Variants in DMPK observed in about 807,000 individuals in gnomAD.
DMPK encodes the protein myotonin-protein kinase.
DMPK carries 32 observed loss-of-function variants against 70.3 expected under a neutral mutation model. The ratio of observed to expected loss-of-function variants is 0.46; its 90% confidence interval spans 0.34 to 0.61. DMPK has a LOEUF of 0.61. Ranked by LOEUF, DMPK falls within the 20% of genes least tolerant of loss-of-function variation. The pLI is 0.01. For synonymous variants in DMPK, 469 were observed against 390.9 expected, an observed-to-expected ratio of 1.20 and a Z score of -2.36; for missense variants, 899 against 886.0, an observed-to-expected ratio of 1.01 and a Z score of -0.19.
intron 1 of DMPK, 74 bp from the exon 2 acceptor site, chr19:45,779,943 C>A (rs1292953483): frequency 6.2e-7 from 1 of 1,604,704 alleles, no homozygotes; most frequent in African/African-American, 1.3e-5. Context: ...AAGCCCCACC[C>A]TCTGTCTGTC....
intron 9 of DMPK, among the ~76,000 whole-genome samples, chr19:45,773,000 T>A (rs1304400302): frequency 6.6e-6 from 1 of 152,230 alleles, no homozygotes; most frequent in South Asian, 2.1e-4. Flanking sequence ...CTGCAGGGAC[T>A]TGGGGTCCAG....
Position 45,775,024 on chromosome 19 carries a change from G to A in DMPK, c.1157C>T (p.Ser386Leu), listed in dbSNP as rs748423751. ...TAGCGGCGCACCTTCCCGAATGTCC[G>A]ACAGTGTCTCCTGCGCAAGACACAC... ...AMVSGGGETL[S>L]DIREGAPLGV... is the part of the protein sequence containing the mutation. The change falls in exon 9 of 15, where the codon TCG becomes TTG. Residue 386 changes from serine (S) to leucine (L), a missense_variant. Ser to Leu is a moderately radical substitution (Grantham distance 145, BLOSUM62 -2). Transcript: ENST00000291270. 12 of 1,613,462 alleles carry A rather than the reference G, an allele frequency of 7.4e-6. No individual in the cohort carries two copies. Among genetic ancestry groups the A allele is most frequent in the South Asian group, 4.4e-5 (4 of 91,022 alleles).
At chr19:45,780,147 A>G in intron 1 of DMPK, 1 of 1,436,616 alleles carries the variant, frequency 7.0e-7, no homozygotes, top group Non-Finnish European at 9.1e-7. Flanking sequence ...GGGTGGGGTA[A>G]CGGAGTCTGC....
At position 45,771,916 on chromosome 19, in the gene DMPK, C is replaced by A; in HGVS notation, c.1357G>T (p.Val453Phe). 1 of 1,596,176 alleles carries A rather than the reference C, an allele frequency of 6.3e-7. No individual in the cohort carries two copies. The highest frequency in any genetic ancestry group is 8.5e-7 in the Non-Finnish European group (1 of 1,171,256). The change falls in exon 11 of 15, where the codon GTT (valine) becomes TTT (phenylalanine). Residue 453 changes from valine to phenylalanine, a missense_variant. By Grantham distance (50) the Val-to-Phe change is conservative. This residue lies in a region of DMPK where 555 missense variants were observed against 483.8 expected (regional missense o/e 1.15). Transcript: ENST00000291270. ...TCTGCCGCAGGGACAGCCGCTGGAA[C>A]TGCCACTTCAGCCTGTGTATGGGGA... ...SPQDETAEVA[V>F]PAAVPAAEAE...
Position 45,771,822 on chromosome 19 carries a change from C to G in DMPK, c.1451G>C (p.Ser484Thr). The G allele has an allele frequency of 6.4e-7, 1 of 1,571,314 alleles. No homozygotes were observed. Among genetic ancestry groups the G allele is most frequent in the South Asian group, 1.2e-5 (1 of 86,108 alleles). The change falls in exon 11 of 15, where the codon AGC (serine) becomes ACC (threonine). Residue 484 changes from serine (S) to threonine (T), a missense_variant. By Grantham distance (58) the Ser-to-Thr change is moderately conservative. This residue lies in a region of DMPK where 555 missense variants were observed against 483.8 expected (regional missense o/e 1.15). Transcript: ENST00000291270. ...ALEEEVLTRQ[S>T]LSREMEAIRT... Reference sequence around the variant, plus strand: ...GATGGCCTCCATCTCCCGGCTCAGGCTCTGCCGGGTGAGCACCTCCTCCTC... The same window carrying G: ...GATGGCCTCCATCTCCCGGCTCAGGGTCTGCCGGGTGAGCACCTCCTCCTC...
chr19:45,781,066 C>T (rs1032840076), intron 1 of DMPK, among the ~76,000 whole-genome samples: 1 of 152,160 alleles, frequency 6.6e-6, no homozygotes, highest in Non-Finnish European at 1.5e-5. Context: ...TGGCCTGGCC[C>T]TTCTTGGCCT....
chr19:45,782,009 T>G (rs759203349), intron 1 of DMPK, among the ~76,000 whole-genome samples, 184 bp downstream of exon 1: 35 of 151,964 alleles, frequency 2.3e-4, no homozygotes, highest in Non-Finnish European at 4.0e-4. Context: ...CCCTCCAGAG[T>G]GGTGGCATAG....
intron 9 of DMPK, among the ~76,000 whole-genome samples, chr19:45,774,489 C>T (rs953694315): frequency 6.6e-6 from 1 of 151,562 alleles, no homozygotes; most frequent in African/African-American, 2.4e-5. Context: ...GTCTCGATCT[C>T]CTGACCTCAT....
rs1227481831 is a variant in DMPK at position 45,778,935 on chromosome 19, A to G, written c.433-294T>C. On this transcript the variant is annotated intron_variant, in intron 4 of 14. Transcript: ENST00000291270. ...CCCAGAGGCCACCCAACACCCAGAG[A>G]ATAGGTCCCAGACACTCCTTCCCTA... 7 of 569,112 alleles carry G rather than the reference A, an allele frequency of 1.2e-5. No homozygotes were observed. The East Asian group carries it at 2.0e-4, about 17-fold the overall frequency. The allele number at this position is 569,112 out of a possible 1,614,324, so 35.3% of individuals were successfully genotyped here.
chr19:45,770,362 T>C lies in DMPK; in HGVS notation c.*126A>G. On this transcript the variant is annotated 3_prime_UTR_variant, in exon 15 of 15. Transcript: ENST00000291270. Reference sequence around the variant, plus strand: ...AGGGGGCGGGCCCGGATCACAGGACTGGAGCTGGGCGGAGACCCACGCTCG... The same window carrying C: ...AGGGGGCGGGCCCGGATCACAGGACCGGAGCTGGGCGGAGACCCACGCTCG... The C allele has an allele frequency of 7.7e-7, 1 of 1,298,522 alleles. No individual in the cohort carries two copies. Among genetic ancestry groups the C allele is most frequent in the Non-Finnish European group, 1.1e-6 (1 of 923,230 alleles). The allele number at this position is 1,298,522 out of a possible 1,614,324, so 80.4% of individuals were successfully genotyped here.
In DMPK at chr19:45,779,971, C is replaced by G. The variant is rs760073904; in HGVS notation, c.161-102G>C. ...TGTCTGTCTCCCCTTCTCTCTGCCT[C>G]TCAGCTTCACCCTAGGACTGTCTGC... On this transcript the variant is annotated intron_variant, in intron 1 of 14. Transcript: ENST00000291270. 3.8e-6 allele frequency: 6 copies of G among 1,580,194 alleles called. No individual in the cohort carries two copies. The South Asian group carries it at 6.9e-5, about 18-fold the overall frequency.
At chr19:45,780,641 G>A (rs766282916) in intron 1 of DMPK, 97 of 1,004,166 alleles carry the variant, frequency 9.7e-5, no homozygotes, top group Non-Finnish European at 1.0e-4. Flanking sequence ...GGACTCCCGG[G>A]GGTGGAAGAA....
In DMPK at chr19:45,771,867, C is replaced by T. The variant is rs762450145; in HGVS notation, c.1406G>A (p.Arg469Gln). Reference protein sequence around the residue: ...AAEAEAEVTLRELQEALEEEV... With the variant: ...AAEAEAEVTLQELQEALEEEV... ...CTCCTCCAGGGCTTCCTGGAGCTCC[C>T]GCAGCGTCACCTCGGCCTCAGCCTC... is the stretch of plus-strand genomic sequence containing the variant. The change falls in exon 11 of 15, where the codon CGG becomes CAG. Residue 469 changes from arginine (R) to glutamine (Q), a missense_variant. This residue lies in a region of DMPK where 555 missense variants were observed against 483.8 expected (regional missense o/e 1.15). Transcript: ENST00000291270. 6.3e-6 allele frequency: 10 copies of T among 1,585,706 alleles called. 1 individual carries two copies. In the East Asian group the frequency reaches 1.6e-4, roughly 26 times the overall value.
rs1403210034 is a variant in DMPK at position 45,771,023 on chromosome 19, G to A, written c.1685C>T (p.Pro562Leu). 1.6e-5 allele frequency: 23 copies of A among 1,483,634 alleles called. No homozygotes were observed. The highest frequency in any genetic ancestry group is 2.0e-5 in the Non-Finnish European group (22 of 1,120,452). The allele number at this position is 1,483,634 out of a possible 1,614,324, so 91.9% of individuals were successfully genotyped here. A position where few individuals can be genotyped will look rare whatever the true frequency, so the allele number is the denominator to read the frequency against. ...GPPAVAVGQC[P>L]LVGPGPMHRR... ...GTGCATGGGGCCTGGCCCCACCAGC[G>A]GGCACTGGCCCACAGCCACGGCCGG... The change falls in exon 14 of 15, where the codon CCG becomes CTG. Residue 562 changes from proline (P) to leucine (L), a missense_variant. This residue lies in a region of DMPK where 555 missense variants were observed against 483.8 expected (regional missense o/e 1.15). Coordinates refer to ENST00000291270, the MANE Select transcript of DMPK (RefSeq NM_004409.5).
Position 45,772,703 on chromosome 19 carries a change from G to C in DMPK, c.1282C>G (p.Leu428Val). 3.9e-6 allele frequency: 6 copies of C among 1,522,576 alleles called. No homozygotes were observed. The highest frequency in any genetic ancestry group is 5.2e-6 in the Non-Finnish European group (6 of 1,146,778). The allele number at this position is 1,522,576 out of a possible 1,614,324, so 94.3% of individuals were successfully genotyped here. ...PTPMELEAEQ[L>V]LEPHVQAPSL... ...GGCGCTTGCACGTGTGGCTCAAGCAGCTGCTCGGCCTCCAGTTCCATGGGT... is the reference window on the plus strand; with the variant it reads ...GGCGCTTGCACGTGTGGCTCAAGCACCTGCTCGGCCTCCAGTTCCATGGGT... The change falls in exon 10 of 15, where the codon CTG becomes GTG. Residue 428 changes from leucine to valine, a missense_variant. Leu to Val is a conservative substitution (Grantham distance 32). Transcript: ENST00000291270.
At chr19:45,770,944 G>GA in intron 14 of DMPK, 27 bp downstream of exon 14, 7 of 1,402,888 alleles carry the variant, frequency 5.0e-6, no homozygotes, top group Non-Finnish European at 5.6e-6. Context: ...CGCGACGGCG[G>GA]AGGGGGGCGT....
At chr19:45,779,585 C>G (rs535706406) in intron 2 of DMPK, 63 bp from the exon 3 acceptor site, 2 of 1,600,160 alleles carry the variant, frequency 1.2e-6, no homozygotes, top group Admixed American at 1.7e-5. Flanking sequence ...CGCCCAGACC[C>G]AACTCCACCC....
chr19:45,781,935 G>T (rs1279170334), intron 1 of DMPK, among the ~76,000 whole-genome samples: 1 of 152,182 alleles, frequency 6.6e-6, no homozygotes, highest in African/African-American at 2.4e-5. Context: ...AGCCTAGCCT[G>T]CTGTGACTCC....
In DMPK at chr19:45,775,181, T is replaced by C. The variant is rs772025839; in HGVS notation, c.1147-147A>G. ...TCCAGCATTTTTTCTTTTTTCTTTT[T>C]CTTTGATACGGAGTCTCGCTCTGTT... On this transcript the variant is annotated intron_variant, in intron 8 of 14. Coordinates refer to ENST00000291270, the MANE Select transcript of DMPK (RefSeq NM_004409.5). 185 of 628,934 alleles carry C rather than the reference T, an allele frequency of 2.9e-4. 1 individual carries two copies. Among genetic ancestry groups the C allele is most frequent in the Non-Finnish European group, 4.9e-4 (175 of 355,292 alleles). The allele number at this position is 628,934 out of a possible 1,614,324, so 39.0% of individuals were successfully genotyped here.
Sources: allele counts gnomAD v4.1 joint callset (sites outside exome capture counted in the v4.1 genomes callset), GRCh38; gene constraint gnomAD v4.1.1; regional missense constraint gnomAD v4.1.1; transcripts MANE v1.5; gene names NCBI Gene and HGNC (gene_info 2026-07-23, HGNC 2026-07-21).